LRMDA: variants seen among roughly 807,000 people sequenced by gnomAD.
LRMDA encodes the protein leucine-rich melanocyte differentiation-associated protein.
In LRMDA, 18 loss-of-function variants were observed where a neutral mutation model predicts 29.8. That is an observed-to-expected ratio of 0.60 (90% CI 0.42 to 0.90). LRMDA has a LOEUF of 0.90. LRMDA is among the 40% of genes least tolerant of loss of function. The pLI is 0.00. For synonymous variants in LRMDA, 125 were observed against 109.4 expected (o/e 1.14, Z -0.89); for missense variants, 273 against 273.9 (o/e 1.00, Z 0.02).
At chr10:76,546,116 A>C (rs978947403) in intron 6 of LRMDA, among the ~76,000 whole-genome samples, 3 of 152,232 alleles carry the variant, frequency 2.0e-5, no homozygotes, top group African/African-American at 7.2e-5. Context: ...GATGTATAAT[A>C]AATGCTGGGG....
At chr10:75,706,589 G>A (rs533539588) in intron 2 of LRMDA, among the ~76,000 whole-genome samples, 6 of 152,142 alleles carry the variant, frequency 3.9e-5, no homozygotes, top group Non-Finnish European at 5.9e-5. Context: ...TAGAATTCAG[G>A]AAAAAGCAAA....
At chr10:75,440,020 C>A (rs991163520) in intron 2 of LRMDA, among the ~76,000 whole-genome samples, 12 of 151,344 alleles carry the variant, frequency 7.9e-5, no homozygotes, top group Non-Finnish European at 1.5e-4. Flanking sequence ...GAGGCTGGAC[C>A]CCGTGAGGGA....
intron 6 of LRMDA, among the ~76,000 whole-genome samples, chr10:76,410,782 T>C (rs1589170919): frequency 2.0e-5 from 3 of 152,140 alleles, no homozygotes; most frequent in East Asian, 2.0e-4. Context: ...GGTGAAACCC[T>C]GTCTCTACTA....
chr10:76,363,388 G>T (rs1841353220), intron 6 of LRMDA, among the ~76,000 whole-genome samples: 1 of 152,094 alleles, frequency 6.6e-6, no homozygotes, highest in South Asian at 2.1e-4. Flanking sequence ...GTCTTTATTT[G>T]CAGATGAAAT....
At chr10:76,529,519 T>C (rs1843212266) in intron 6 of LRMDA, among the ~76,000 whole-genome samples, 1 of 152,178 alleles carries the variant, frequency 6.6e-6, no homozygotes, top group South Asian at 2.1e-4. Context: ...TTGTTCTCAA[T>C]CTTAAGTGTG....
At chr10:75,760,879 C>G (rs947471619) in intron 2 of LRMDA, among the ~76,000 whole-genome samples, 15 of 152,294 alleles carry the variant, frequency 9.8e-5, no homozygotes, top group African/African-American at 3.4e-4. Context: ...TCTGTGTGGA[C>G]TTGAGTCACA....
intron 2 of LRMDA, among the ~76,000 whole-genome samples, chr10:76,017,174 G>A (rs930377363): frequency 2.6e-5 from 4 of 152,198 alleles, no homozygotes; most frequent in Admixed American, 1.3e-4. Flanking sequence ...TGTGTGGGGC[G>A]GACGCCGCAT....
chr10:76,280,757 A>T (rs550358938), intron 5 of LRMDA, among the ~76,000 whole-genome samples: 68 of 152,102 alleles, frequency 4.5e-4, no homozygotes, highest in Non-Finnish European at 7.4e-4. Context: ...GAGTGCTGCA[A>T]ATATGAGAAA....
chr10:75,492,793 G>A (rs948259869), intron 2 of LRMDA, among the ~76,000 whole-genome samples: 3 of 152,166 alleles, frequency 2.0e-5, no homozygotes, highest in African/African-American at 7.2e-5. Flanking sequence ...GATACAATGT[G>A]CATTTAATCA....
At chr10:76,492,303 C>T (rs1257661049) in intron 6 of LRMDA, among the ~76,000 whole-genome samples, 1 of 151,966 alleles carries the variant, frequency 6.6e-6, no homozygotes, top group Non-Finnish European at 1.5e-5. Context: ...TTATTATAGT[C>T]TTCATAGTCT....
chr10:75,681,145 G>A (rs925265952), intron 2 of LRMDA, among the ~76,000 whole-genome samples: 1 of 152,152 alleles, frequency 6.6e-6, no homozygotes, highest in Non-Finnish European at 1.5e-5. Flanking sequence ...ATTGATTTGA[G>A]TCATACTCAT....
intron 5 of LRMDA, among the ~76,000 whole-genome samples, chr10:76,112,169 AGGGCGGACG>A (rs1053741369): frequency 1.3e-5 from 2 of 152,038 alleles, no homozygotes; most frequent in Non-Finnish European, 2.9e-5. Flanking sequence ...AGCTGGCGGG[AGGGCGGACG>A]GGGACCCCTG....
At chr10:75,696,408 G>A (rs1219133280) in intron 2 of LRMDA, among the ~76,000 whole-genome samples, 1 of 152,188 alleles carries the variant, frequency 6.6e-6, no homozygotes, top group Non-Finnish European at 1.5e-5. Flanking sequence ...CAGCTCGTGG[G>A]CAGAACTAGT....
chr10:75,758,143 G>T (rs879154918), intron 2 of LRMDA, among the ~76,000 whole-genome samples: 6 of 152,170 alleles, frequency 3.9e-5, no homozygotes, highest in African/African-American at 1.4e-4. Flanking sequence ...CAGGTGAACC[G>T]TAAGAGGGAC....
At chr10:75,847,157 C>T (rs1844652690) in intron 2 of LRMDA, among the ~76,000 whole-genome samples, 1 of 152,068 alleles carries the variant, frequency 6.6e-6, no homozygotes, top group Non-Finnish European at 1.5e-5. Context: ...TAAAGACAGA[C>T]ACATAGACAA....
At chr10:75,466,426 CT>C (rs1272336172) in intron 2 of LRMDA, among the ~76,000 whole-genome samples, 3 of 152,094 alleles carry the variant, frequency 2.0e-5, no homozygotes, top group East Asian at 3.8e-4. Context: ...TACCTTTTTT[CT>C]TTGCCTGATA....
chr10:76,162,245 G>C (rs912975299), intron 5 of LRMDA, among the ~76,000 whole-genome samples: 1 of 152,142 alleles, frequency 6.6e-6, no homozygotes, highest in Non-Finnish European at 1.5e-5. Flanking sequence ...AAGGTAGGTA[G>C]GTAGGTGGAG....
intron 5 of LRMDA, among the ~76,000 whole-genome samples, chr10:76,113,216 G>A (rs974592505): frequency 6.6e-6 from 1 of 151,970 alleles, no homozygotes; most frequent in African/African-American, 2.4e-5. Context: ...TCTAGTAGGC[G>A]TTGAAATATT....
At chr10:75,893,932 CAAAA>C (rs59406150) in intron 2 of LRMDA, among the ~76,000 whole-genome samples, 1 of 128,630 alleles carries the variant, frequency 7.8e-6, no homozygotes. Context: ...CTCCGTCTCA[CAAAA>C]AAAAAAAAAC....
Sources: allele counts gnomAD v4.1 joint callset (sites outside exome capture counted in the v4.1 genomes callset), GRCh38; gene constraint gnomAD v4.1.1; transcripts MANE v1.5; gene names NCBI Gene and HGNC (gene_info 2026-07-23, HGNC 2026-07-21).